TMEM169: variants seen among roughly 807,000 people sequenced by gnomAD.
TMEM169 encodes the protein transmembrane protein 169.
TMEM169 carries 18 observed loss-of-function variants against 27.3 expected under a neutral mutation model. That is an observed-to-expected ratio of 0.66 (90% CI 0.46 to 0.98). TMEM169 has a LOEUF of 0.98. Ranked by LOEUF, TMEM169 falls within the 50% of genes least tolerant of loss-of-function variation. The probability of loss-of-function intolerance (pLI) is 0.00; values close to 1 mark genes in which losing one functional copy is unlikely to be tolerated. For missense variants in TMEM169, 320 were observed against 368.6 expected (o/e 0.87, Z 1.08); for synonymous variants, 136 against 142.1 (o/e 0.96, Z 0.30).
At chr2:216,094,459 C>A (rs968139172) in intron 1 of TMEM169, among the ~76,000 whole-genome samples, 4 of 152,138 alleles carry the variant, frequency 2.6e-5, no homozygotes, top group Admixed American at 2.0e-4. Flanking sequence ...AATGGAATAT[C>A]ATTTTGTAAC....
Position 216,095,905 on chromosome 2 carries a change from G to A in TMEM169, c.-59G>A. 6.5e-7 allele frequency: 1 copy of A among 1,548,734 alleles called. No individual in the cohort carries two copies. Among genetic ancestry groups the A allele is most frequent in the South Asian group, 1.2e-5 (1 of 81,770 alleles). On this transcript the variant is annotated 5_prime_UTR_variant, in exon 2 of 3. In the 5' UTR this introduces an upstream ATG that the reference lacks. Transcript: ENST00000437356. ...GAAGAAGTTCTGTGATGTGTGAACT[G>A]TGAGTTTACTCAAACAAGTCCAACT... is the stretch of plus-strand genomic sequence containing the variant.
intron 1 of TMEM169, among the ~76,000 whole-genome samples, chr2:216,095,109 C>CTTTCTTTTTTTTTTTTT (rs751748269): frequency 4.5e-5 from 5 of 110,480 alleles, no homozygotes; most frequent in Non-Finnish European, 6.8e-5. Flanking sequence ...TTTTTTCTTT[C>CTTTCTTTTTTTTTTTTT]TTTTTTTTTT....
intron 2 of TMEM169, 71 bp downstream of exon 2, chr2:216,096,305 G>A: frequency 6.6e-7 from 1 of 1,513,044 alleles, no homozygotes; most frequent in Non-Finnish European, 9.0e-7. Flanking sequence ...AGAACAGACA[G>A]GCATATGCTC....
chr2:216,089,510 G>T (rs1215287724), intron 1 of TMEM169, among the ~76,000 whole-genome samples: 1 of 152,156 alleles, frequency 6.6e-6, no homozygotes, highest in Non-Finnish European at 1.5e-5. Flanking sequence ...CAGACTGGAT[G>T]CAGTGGCACG....
intron 1 of TMEM169, among the ~76,000 whole-genome samples, chr2:216,085,883 A>G (rs1027354671): frequency 1.3e-5 from 2 of 149,698 alleles, no homozygotes; most frequent in East Asian, 4.0e-4. Context: ...AAAAAAAAAA[A>G]CAAAAACAAA....
At chr2:216,088,036 G>A (rs542406478) in intron 1 of TMEM169, among the ~76,000 whole-genome samples, 3 of 152,150 alleles carry the variant, frequency 2.0e-5, no homozygotes, top group South Asian at 2.1e-4. Context: ...GTGTATGCCT[G>A]TGGTCCCAGC....
chr2:216,082,034 G>T, intron 1 of TMEM169, 55 bp downstream of exon 1: 2 of 362,548 alleles, frequency 5.5e-6, no homozygotes, highest in Non-Finnish European at 4.8e-6. Context: ...AGGGTGGAAG[G>T]GAAATGCAAA....
chr2:216,085,828 G>A (rs1009001853), intron 1 of TMEM169, among the ~76,000 whole-genome samples: 8 of 151,070 alleles, frequency 5.3e-5, no homozygotes, highest in African/African-American at 7.3e-5. Flanking sequence ...CTGAGATCAC[G>A]CCATTGCACT....
At chr2:216,085,527 C>T (rs1445916979) in intron 1 of TMEM169, among the ~76,000 whole-genome samples, 1 of 152,116 alleles carries the variant, frequency 6.6e-6, no homozygotes, top group Non-Finnish European at 1.5e-5. Context: ...CAGTGGCCTC[C>T]TAGACCAGAG....
chr2:216,084,883 G>C (rs1463694267), intron 1 of TMEM169, among the ~76,000 whole-genome samples: 1 of 152,214 alleles, frequency 6.6e-6, no homozygotes, highest in Non-Finnish European at 1.5e-5. Flanking sequence ...TGGTACAGAT[G>C]GGGTGGCAGG....
chr2:216,094,948 T>C (rs1223019445), intron 1 of TMEM169, among the ~76,000 whole-genome samples: 1 of 152,148 alleles, frequency 6.6e-6, no homozygotes, highest in Non-Finnish European at 1.5e-5. Context: ...GGAGACAGAT[T>C]TCCTTTACAG....
At position 216,099,353 on chromosome 2, in the gene TMEM169, GTGTGTGTAT is replaced by G. The variant is rs1158140094; in HGVS notation, c.272-566_272-558del. 1.3e-5 allele frequency among the ~76,000 whole-genome samples: 2 copies of G among 151,798 alleles called. No individual in the cohort carries two copies. The highest frequency in any genetic ancestry group is 1.9e-4 in the East Asian group (1 of 5,192). ...CGTGATTGGGAGGTGGCATGTGTAT[GTGTGTGTAT>G]GGTGTGTATGTAGTATGTGAGAGGG... On this transcript the variant is annotated intron_variant, in intron 2 of 2. Coordinates refer to ENST00000437356, the MANE Select transcript of TMEM169 (RefSeq NM_001142311.2). This position sits in a 1 kb window ranked among gnomAD's most constrained non-coding sequence, Gnocchi z 5.0.
chr2:216,083,614 T>G (rs551784937), intron 1 of TMEM169, among the ~76,000 whole-genome samples: 25 of 152,202 alleles, frequency 1.6e-4, no homozygotes, highest in African/African-American at 5.1e-4. Context: ...GAGAGTGGGA[T>G]TCTGATGTCT....
rs1268426229 is a variant in TMEM169, at chr2:216,099,577, C to T, written c.272-343C>T. On this transcript the variant is annotated intron_variant, in intron 2 of 2. Coordinates refer to ENST00000437356, the MANE Select transcript of TMEM169 (RefSeq NM_001142311.2). This position sits in a 1 kb window ranked among gnomAD's most constrained non-coding sequence, Gnocchi z 5.0. Reference sequence around the variant, plus strand: ...TACCTAGAAATAGGATCATCATTTGCATCATGTCTGTATCAAAGTTCGTCA... The same window carrying T: ...TACCTAGAAATAGGATCATCATTTGTATCATGTCTGTATCAAAGTTCGTCA... 6.6e-6 allele frequency among the ~76,000 whole-genome samples: 1 copy of T among 152,038 alleles called. No homozygotes were observed. Among genetic ancestry groups the T allele is most frequent in the Non-Finnish European group, 1.5e-5 (1 of 68,002 alleles).
At chr2:216,084,046 C>T (rs1237907415) in intron 1 of TMEM169, among the ~76,000 whole-genome samples, 3 of 152,172 alleles carry the variant, frequency 2.0e-5, no homozygotes, top group Admixed American at 1.3e-4. Flanking sequence ...CTGTGCTCTG[C>T]GTCACTGCCC....
intron 1 of TMEM169, among the ~76,000 whole-genome samples, chr2:216,086,988 A>C (rs1340667454): frequency 6.6e-6 from 1 of 152,212 alleles, no homozygotes; most frequent in African/African-American, 2.4e-5. Context: ...CATTCATTGA[A>C]TTCTCACCAC....
rs1051910448 is a variant in TMEM169 at position 216,101,107 on chromosome 2, A to G, written c.*565A>G. 1.2e-5 allele frequency: 2 copies of G among 165,688 alleles called. No individual in the cohort carries two copies. Among genetic ancestry groups the G allele is most frequent in the African/African-American group, 4.8e-5 (2 of 41,490 alleles). 10.3% of individuals were successfully genotyped at this position (165,688 alleles called of 1,614,324 possible). A position where few individuals can be genotyped will look rare whatever the true frequency, so the allele number is the denominator to read the frequency against. ...TGCAGAAGAAGTCTGGAGGCAGACC[A>G]TCCTGGGACCCTGTGAAGTAATCCA... On this transcript the variant is annotated 3_prime_UTR_variant, in exon 3 of 3. Coordinates refer to ENST00000437356, the MANE Select transcript of TMEM169 (RefSeq NM_001142311.2).
chr2:216,086,088 A>G (rs1325726352), intron 1 of TMEM169, among the ~76,000 whole-genome samples: 2 of 151,610 alleles, frequency 1.3e-5, no homozygotes. Flanking sequence ...TTTCTGAGGC[A>G]GAGTCTCACT....
chr2:216,097,575 G>A (rs984040888), intron 2 of TMEM169, among the ~76,000 whole-genome samples: 11 of 151,838 alleles, frequency 7.2e-5, no homozygotes, highest in Non-Finnish European at 1.3e-4. Context: ...ACAACATCTC[G>A]AAAAAATAAT....
Sources: allele counts gnomAD v4.1 joint callset (sites outside exome capture counted in the v4.1 genomes callset), GRCh38; gene constraint gnomAD v4.1.1; non-coding constraint Gnocchi (gnomAD v3.1); transcripts MANE v1.5; gene names NCBI Gene and HGNC (gene_info 2026-07-23, HGNC 2026-07-21).